ABL2: variants seen among roughly 807,000 people sequenced by gnomAD.
ABL2 encodes ABL proto-oncogene 2, non-receptor tyrosine kinase, also known as tyrosine-protein kinase ABL2.
A neutral mutation model predicts 107.7 loss-of-function variants in ABL2; 49 were observed. The ratio of observed to expected loss-of-function variants is 0.45; its 90% CI spans 0.36 to 0.58. ABL2 has a LOEUF of 0.58. Ranked by LOEUF, ABL2 falls within the 20% of genes least tolerant of loss-of-function variation. ABL2 has a pLI of 0.00. For synonymous variants in ABL2, 549 were observed against 548.6 expected, an observed-to-expected ratio of 1.00 and a Z score of -0.01; for missense variants, 1,245 against 1,457.0, an observed-to-expected ratio of 0.85 and a Z score of 2.37.
chr1:179,148,043 T>C (rs1323813872), intron 1 of ABL2, among the ~76,000 whole-genome samples: 1 of 149,538 alleles, frequency 6.7e-6, no homozygotes, highest in Non-Finnish European at 1.5e-5. Context: ...TCTTTTCTTT[T>C]TTTTTTTTTT....
At chr1:179,143,480 G>A (rs749675049) in intron 1 of ABL2, among the ~76,000 whole-genome samples, 3 of 152,158 alleles carry the variant, frequency 2.0e-5, no homozygotes, top group Admixed American at 2.0e-4. Context: ...GAAAGGAAAC[G>A]CCTAACAAGA....
chr1:179,209,124 C>T (rs868272203), intron 1 of ABL2, among the ~76,000 whole-genome samples: 4 of 152,292 alleles, frequency 2.6e-5, no homozygotes, highest in Middle Eastern at 6.8e-3. Context: ...TGACCTTCTC[C>T]AGCCCTTCTC....
chr1:179,146,897 C>T (rs1557954655), intron 1 of ABL2, among the ~76,000 whole-genome samples: 2 of 151,896 alleles, frequency 1.3e-5, no homozygotes, highest in Admixed American at 1.3e-4. Context: ...TCTCCATATC[C>T]TCTTGCTTTT....
chr1:179,209,592 G>A (rs1053946440), intron 1 of ABL2, among the ~76,000 whole-genome samples: 5 of 152,066 alleles, frequency 3.3e-5, no homozygotes, highest in Admixed American at 1.3e-4. Flanking sequence ...TAATCAACTT[G>A]TTTCAACTAC....
At chr1:179,219,515 A>G (rs951602627) in intron 1 of ABL2, among the ~76,000 whole-genome samples, 1 of 152,378 alleles carries the variant, frequency 6.6e-6, no homozygotes, top group Middle Eastern at 3.4e-3. Context: ...TGAAGTCTCT[A>G]TCAACTTTAA....
At chr1:179,156,860 AGAGT>A (rs1455863342) in intron 1 of ABL2, among the ~76,000 whole-genome samples, 6 of 151,036 alleles carry the variant, frequency 4.0e-5, no homozygotes, top group South Asian at 4.2e-4. Context: ...CTTGGGCAAC[AGAGT>A]GAGTGAGAGT....
At chr1:179,130,767 C>T (rs868437488) in intron 3 of ABL2, among the ~76,000 whole-genome samples, 210 of 118,632 alleles carry the variant, frequency 1.8e-3, no homozygotes, top group African/African-American at 6.9e-3. Flanking sequence ...TGTGTGTGTA[C>T]GCACACACGC....
At chr1:179,195,832 T>C (rs1486317094) in intron 1 of ABL2, among the ~76,000 whole-genome samples, 1 of 152,178 alleles carries the variant, frequency 6.6e-6, no homozygotes, top group Non-Finnish European at 1.5e-5. Context: ...CCTAGAGTAG[T>C]CAAACTCATA....
intron 1 of ABL2, chr1:179,184,689 T>A (rs1571271590): frequency 2.2e-6 from 1 of 457,780 alleles, no homozygotes; most frequent in South Asian, 2.3e-5. Flanking sequence ...AAGGAGAAGA[T>A]GACTAATAGA....
intron 1 of ABL2, among the ~76,000 whole-genome samples, chr1:179,173,498 G>T (rs1659850587): frequency 6.7e-6 from 1 of 150,014 alleles, no homozygotes; most frequent in African/African-American, 2.5e-5. Flanking sequence ...TAGCAGCTGG[G>T]ATTACAGGCA....
Position 179,229,289 on chromosome 1 carries a change from G to A in ABL2, c.109C>T (p.Pro37Ser), listed in dbSNP as rs1235370247. The A allele has an allele frequency of 8.3e-6, 13 of 1,573,152 alleles. No homozygotes were observed. Among genetic ancestry groups the A allele is most frequent in the Non-Finnish European group, 1.1e-5 (13 of 1,161,552 alleles). Residue 37 changes from proline to serine, a missense_variant, in exon 1 of 12, where the codon CCG becomes TCG. By Grantham distance (74) the Pro-to-Ser change is moderately conservative. Transcript: ENST00000502732. ...AARPSGRRRDPAGRTTETGFN... is the reference protein window; with the variant it reads ...AARPSGRRRDSAGRTTETGFN... ...CCGGTCTCTGTGGTGCGCCCCGCCGGGTCCCGCCTGCGGCCGGAGGGCCTG... is the reference window on the plus strand; with the variant it reads ...CCGGTCTCTGTGGTGCGCCCCGCCGAGTCCCGCCTGCGGCCGGAGGGCCTG...
At chr1:179,205,594 G>A (rs1413475359) in intron 1 of ABL2, among the ~76,000 whole-genome samples, 1 of 152,158 alleles carries the variant, frequency 6.6e-6, no homozygotes, top group Non-Finnish European at 1.5e-5. Flanking sequence ...TAAAAAATGG[G>A]TATAGCCCAC....
intron 1 of ABL2, among the ~76,000 whole-genome samples, chr1:179,209,005 A>T (rs1236245087): frequency 6.6e-6 from 1 of 152,214 alleles, no homozygotes; most frequent in Non-Finnish European, 1.5e-5. Context: ...ATCTAGAAAA[A>T]TGGGTTAGAT....
intron 8 of ABL2, among the ~76,000 whole-genome samples, chr1:179,116,584 C>T (rs1654653755): frequency 6.7e-6 from 1 of 148,994 alleles, no homozygotes; most frequent in African/African-American, 2.5e-5. Context: ...GATCTCAGCT[C>T]ACCGCAACCT....
chr1:179,106,228 A>G lies in ABL2; in HGVS notation c.*1490T>C, dbSNP rs1192302596. The G allele has an allele frequency of 4.4e-6, 1 of 226,372 alleles. No homozygotes were observed. The highest frequency in any genetic ancestry group is 8.8e-6 in the Non-Finnish European group (1 of 113,884). The allele number at this position is 226,372 out of a possible 1,614,324, so 14.0% of individuals were successfully genotyped here. On this transcript the variant is annotated 3_prime_UTR_variant, in exon 12 of 12. Transcript: ENST00000502732. ...ATTAGACCCGATACCAAGAACATTA[A>G]TAATACCTAACTCATTAGATTCACT... is the stretch of plus-strand genomic sequence containing the variant.
intron 1 of ABL2, among the ~76,000 whole-genome samples, chr1:179,168,193 T>C (rs1442455701): frequency 6.6e-6 from 1 of 152,194 alleles, no homozygotes; most frequent in Non-Finnish European, 1.5e-5. Flanking sequence ...ATTACAGTTG[T>C]CCCACGGTTT....
intron 1 of ABL2, among the ~76,000 whole-genome samples, chr1:179,200,339 G>A (rs369736426): frequency 2.6e-5 from 4 of 152,196 alleles, no homozygotes; most frequent in African/African-American, 9.6e-5. Flanking sequence ...GGGCCACCGC[G>A]CCTGGCCCAC....
chr1:179,121,646 G>A lies in ABL2; in HGVS notation c.909C>T (p.Tyr303=), dbSNP rs56032037. 2.0e-5 allele frequency: 33 copies of A among 1,614,050 alleles called. No individual in the cohort carries two copies. The highest frequency in any genetic ancestry group is 1.8e-4 in the East Asian group (8 of 44,890). ...KLGGGQYGEV[Y]VGVWKKYSLT... Reference sequence around the variant, plus strand: ...GGCTGTATTTCTTCCAGACGCCAACGTAAACCTCTCCATACTGACCGCCCC... The same window carrying A: ...GGCTGTATTTCTTCCAGACGCCAACATAAACCTCTCCATACTGACCGCCCC... Residue 303 remains tyrosine, a synonymous_variant, in exon 5 of 12, where the codon TAC becomes TAT. Coordinates refer to ENST00000502732, the MANE Select transcript of ABL2 (RefSeq NM_007314.4).
chr1:179,181,070 T>C (rs1433823002), intron 1 of ABL2, among the ~76,000 whole-genome samples: 3 of 152,238 alleles, frequency 2.0e-5, no homozygotes, highest in African/African-American at 7.2e-5. Flanking sequence ...ATTCTAACAG[T>C]ACAGCTGTCT....
Sources: gnomAD v4.1 joint callset for allele counts (sites outside exome capture counted in the v4.1 genomes callset) on GRCh38, gnomAD v4.1.1 for gene constraint, MANE v1.5 for transcripts, NCBI Gene and HGNC (gene_info 2026-07-23, HGNC 2026-07-21) for gene names.